Variants in CLINT1 observed in about 807,000 individuals in gnomAD.
CLINT1 encodes clathrin interactor 1.
CLINT1 carries 15 observed loss-of-function variants against 70.4 expected under a neutral mutation model. The observed-to-expected ratio is 0.21, with a 90% CI of 0.14 to 0.33. CLINT1 has a LOEUF of 0.33. Ranked by LOEUF, CLINT1 falls within the 10% of genes least tolerant of loss-of-function variation. The pLI is 1.00. For missense variants in CLINT1, 615 were observed against 778.1 expected, an observed-to-expected ratio of 0.79 and a Z score of 2.49; for synonymous variants, 227 against 254.7, an observed-to-expected ratio of 0.89 and a Z score of 1.04.
At chr5:157,840,894 G>A (rs1753151516) in intron 1 of CLINT1, among the ~76,000 whole-genome samples, 1 of 151,950 alleles carries the variant, frequency 6.6e-6, no homozygotes, top group Admixed American at 6.6e-5. Context: ...AAAGAGAAAA[G>A]TGTATATATT....
At chr5:157,839,007 T>C (rs140164250) in intron 1 of CLINT1, among the ~76,000 whole-genome samples, 383 of 150,830 alleles carry the variant, frequency 2.5e-3, no homozygotes, top group African/African-American at 8.9e-3. Context: ...GGTGGGCGGA[T>C]TGCTTGAGCC....
chr5:157,797,555 T>A (rs1419927852), intron 8 of CLINT1, among the ~76,000 whole-genome samples: 1 of 152,138 alleles, frequency 6.6e-6, no homozygotes. Flanking sequence ...CCAACTAATT[T>A]TTTTATTTTT....
intron 4 of CLINT1, 31 bp from the exon 5 acceptor site, chr5:157,813,258 T>A: frequency 6.3e-7 from 1 of 1,586,872 alleles, no homozygotes; most frequent in South Asian, 1.1e-5. Context: ...AAGCAAAACC[T>A]AAGAATTCAC....
intron 1 of CLINT1, among the ~76,000 whole-genome samples, chr5:157,832,601 A>G (rs1341105644): frequency 6.6e-6 from 1 of 151,242 alleles, no homozygotes; most frequent in Non-Finnish European, 1.5e-5. Context: ...CTTTTCATTC[A>G]TCTTCTACAT....
At position 157,823,693 on chromosome 5, in the gene CLINT1, C is replaced by T. The variant is rs948678683; in HGVS notation, c.42-6146G>A. 1.6e-5 allele frequency: 9 copies of T among 556,084 alleles called. No individual in the cohort carries two copies. In the Admixed American group the frequency reaches 3.8e-4, roughly 24 times the overall value. The allele number at this position is 556,084 out of a possible 1,614,324, so 34.4% of individuals were successfully genotyped here. ...AAAAGATACTTTTATAAATTAAATG[C>T]TCTTATTAAGTATAAATCTTCTTAA... On this transcript the variant is annotated intron_variant, in intron 1 of 11. Coordinates refer to ENST00000411809, the MANE Select transcript of CLINT1 (RefSeq NM_014666.4).
chr5:157,803,500 A>G (rs536737779), intron 8 of CLINT1, 150 bp downstream of exon 8: 8 of 502,532 alleles, frequency 1.6e-5, no homozygotes, highest in African/African-American at 1.6e-4. Context: ...AAAATAACAC[A>G]ATGATTCCAA....
Position 157,787,408 on chromosome 5 carries a change from C to CTT in CLINT1, c.*236_*237dup. On this transcript the variant is annotated 3_prime_UTR_variant, in exon 12 of 12. Coordinates refer to ENST00000411809, the MANE Select transcript of CLINT1 (RefSeq NM_014666.4). ...AGGCTTTCAATGGTCTCACCACCCACTTGTGGTCTATCCTCACTGGAAAAA... is the reference window on the plus strand; with the variant it reads ...AGGCTTTCAATGGTCTCACCACCCACTTTTGTGGTCTATCCTCACTGGAAAAA... 1.8e-6 allele frequency: 1 copy of CTT among 543,482 alleles called. No homozygotes were observed. 33.7% of individuals were successfully genotyped at this position (543,482 alleles called of 1,614,324 possible).
chr5:157,816,909 T>C lies in CLINT1; in HGVS notation c.147-79A>G, dbSNP rs948608979. 27 of 1,033,510 alleles carry C rather than the reference T, an allele frequency of 2.6e-5. No individual in the cohort carries two copies. The African/African-American group carries it at 4.2e-4, about 16-fold the overall frequency. The allele number at this position is 1,033,510 out of a possible 1,614,324, so 64.0% of individuals were successfully genotyped here. On this transcript the variant is annotated intron_variant, in intron 2 of 11. Transcript: ENST00000411809. Reference sequence around the variant, plus strand: ...ATGGCAGACTTGTTCTAATTTGGTGTTTCCCTGAAGAGTTTTTAAAAATTA... The same window carrying C: ...ATGGCAGACTTGTTCTAATTTGGTGCTTCCCTGAAGAGTTTTTAAAAATTA...
chr5:157,838,276 C>T (rs1004879321), intron 1 of CLINT1, among the ~76,000 whole-genome samples: 1 of 152,040 alleles, frequency 6.6e-6, no homozygotes, highest in African/African-American at 2.4e-5. Flanking sequence ...GCACCTGCCA[C>T]CACGCCCAGC....
Position 157,789,353 on chromosome 5 carries a change from G to C in CLINT1, c.1531+10C>G. On this transcript the variant is annotated intron_variant, in intron 11 of 11. Transcript: ENST00000411809. ...TACACAAAGAAGTGGGACGTCTTAA[G>C]GTAACTTACTCTGTTGCTGAATCAT... is the stretch of plus-strand genomic sequence containing the variant. 3.1e-6 allele frequency: 5 copies of C among 1,613,150 alleles called. No individual in the cohort carries two copies. The highest frequency in any genetic ancestry group is 4.2e-6 in the Non-Finnish European group (5 of 1,179,128).
At chr5:157,817,289 A>G (rs1453491655) in intron 2 of CLINT1, among the ~76,000 whole-genome samples, 154 bp downstream of exon 2, 3 of 152,210 alleles carry the variant, frequency 2.0e-5, no homozygotes, top group Admixed American at 2.0e-4. Flanking sequence ...AACTTTCCAC[A>G]TTAGTATCTG....
At chr5:157,791,647 G>T in intron 10 of CLINT1, 56 bp downstream of exon 10, 1 of 1,474,348 alleles carries the variant, frequency 6.8e-7, no homozygotes, top group Non-Finnish European at 9.2e-7. Context: ...CATTCAATGA[G>T]TTAGAGCATC....
chr5:157,815,120 T>TACACAC (rs150242169), intron 3 of CLINT1, among the ~76,000 whole-genome samples: 16,168 of 142,074 alleles, frequency 0.11, 959 homozygotes, highest in Admixed American at 0.15. Context: ...TCTTCACACA[T>TACACAC]ACACACACAC....
intron 1 of CLINT1, among the ~76,000 whole-genome samples, chr5:157,840,739 T>TA (rs78940003): frequency 0.084 from 12,751 of 151,850 alleles, 616 homozygotes; most frequent in East Asian, 0.18. Context: ...TTTATCTCAA[T>TA]AAAAAAATAT....
rs199598702 is a variant in CLINT1, at chr5:157,802,542, CTT to C, written c.1012+1106_1012+1107del. 5.3e-3 allele frequency among the ~76,000 whole-genome samples: 734 copies of C among 137,248 alleles called. 6 individuals are homozygous for C. Among genetic ancestry groups the C allele is most frequent in the African/African-American group, 0.019 (681 of 35,200 alleles). 90.0% of individuals were successfully genotyped at this position (137,248 alleles called of 152,430 possible). ...AACAGTTCTTTTGCTGTAGCCCTCT[CTT>C]TTTTTTTTTTTTTTCCGAGATGGAG... is the stretch of plus-strand genomic sequence containing the variant. On this transcript the variant is annotated intron_variant, in intron 8 of 11. Transcript: ENST00000411809.
chr5:157,832,134 C>T (rs989929171), intron 1 of CLINT1, among the ~76,000 whole-genome samples: 2 of 152,084 alleles, frequency 1.3e-5, no homozygotes, highest in African/African-American at 2.4e-5. Flanking sequence ...GTTACAGGCA[C>T]GTGCTGCCAC....
intron 1 of CLINT1, among the ~76,000 whole-genome samples, chr5:157,851,309 A>C (rs1349069331): frequency 3.3e-5 from 5 of 152,188 alleles, no homozygotes; most frequent in African/African-American, 9.7e-5. Flanking sequence ...GTGTGTGCAA[A>C]ATTATAAAAG....
At chr5:157,854,995 T>C (rs1561680400) in intron 1 of CLINT1, among the ~76,000 whole-genome samples, 2 of 151,738 alleles carry the variant, frequency 1.3e-5, no homozygotes, top group Non-Finnish European at 2.9e-5. Context: ...AATACAAAAA[T>C]TAGCCAGGCA....
chr5:157,841,823 G>A (rs1206886974), intron 1 of CLINT1, among the ~76,000 whole-genome samples: 1 of 152,054 alleles, frequency 6.6e-6, no homozygotes, highest in Non-Finnish European at 1.5e-5. Context: ...TAGAGACAGG[G>A]TCTTATTATG....
Sources: gnomAD v4.1 joint callset for allele counts (sites outside exome capture counted in the v4.1 genomes callset) on GRCh38, gnomAD v4.1.1 for gene constraint, MANE v1.5 for transcripts, NCBI Gene and HGNC (gene_info 2026-07-23, HGNC 2026-07-21) for gene names.